Variants in GRIN2A observed in about 807,000 individuals in gnomAD.
GRIN2A encodes glutamate ionotropic receptor NMDA type subunit 2A.
Under a neutral mutation model 113.4 loss-of-function variants are expected in GRIN2A, and 22 were observed. That is an observed-to-expected ratio of 0.19 (90% CI 0.14 to 0.28). The LOEUF (loss-of-function observed/expected upper bound fraction) is 0.28. Among genes scored for constraint, GRIN2A ranks in the 10% least tolerant of loss-of-function variants. GRIN2A has a pLI of 1.00. For synonymous variants in GRIN2A, 827 were observed against 738.4 expected, an observed-to-expected ratio of 1.12 and a Z score of -1.94; for missense variants, 1,502 against 1,887.0, an observed-to-expected ratio of 0.80 and a Z score of 3.78.
chr16:10,156,797 C>T (rs1412099988), intron 2 of GRIN2A, among the ~76,000 whole-genome samples: 2 of 152,292 alleles, frequency 1.3e-5, no homozygotes, highest in Admixed American at 1.3e-4. Context: ...TTTTCATACA[C>T]CTTATTTCAT....
intron 11 of GRIN2A, among the ~76,000 whole-genome samples, chr16:9,792,001 A>T (rs1902633600): frequency 1.3e-5 from 2 of 152,088 alleles, no homozygotes; most frequent in African/African-American, 4.8e-5. Context: ...ATCTGTTAAC[A>T]ATCTAGATGA....
At chr16:10,019,134 CCCATT>C (rs2046667959) in intron 2 of GRIN2A, among the ~76,000 whole-genome samples, 1 of 149,704 alleles carries the variant, frequency 6.7e-6, no homozygotes, top group South Asian at 2.1e-4. Flanking sequence ...CCTCAGTTGC[CCCATT>C]AATAAAAAGA....
intron 2 of GRIN2A, among the ~76,000 whole-genome samples, chr16:9,989,682 T>C (rs1328137880): frequency 6.6e-6 from 1 of 151,438 alleles, no homozygotes; most frequent in Non-Finnish European, 1.5e-5. Flanking sequence ...GGAACTTAAA[T>C]CAAGAAAAAA....
intron 11 of GRIN2A, among the ~76,000 whole-genome samples, chr16:9,797,606 C>T (rs934168203): frequency 7.9e-5 from 12 of 152,162 alleles, no homozygotes; most frequent in South Asian, 2.1e-4. Flanking sequence ...ATGACTCCAC[C>T]GTGAGTCATG....
intron 2 of GRIN2A, among the ~76,000 whole-genome samples, chr16:10,169,494 A>C (rs2049995475): frequency 6.6e-6 from 1 of 152,172 alleles, no homozygotes; most frequent in Non-Finnish European, 1.5e-5. Context: ...ACTCCAATGA[A>C]AGGATAGAGG....
At chr16:9,963,911 G>A (rs1218318288) in intron 2 of GRIN2A, among the ~76,000 whole-genome samples, 1 of 152,202 alleles carries the variant, frequency 6.6e-6, no homozygotes, top group African/African-American at 2.4e-5. Flanking sequence ...CCTGGTGGAG[G>A]AGAGGAAGTG....
At chr16:9,859,497 T>A (rs1441399392) in intron 4 of GRIN2A, among the ~76,000 whole-genome samples, 1 of 151,868 alleles carries the variant, frequency 6.6e-6, no homozygotes, top group African/African-American at 2.4e-5. Flanking sequence ...CACACTTATA[T>A]ACAGGTACAT....
In GRIN2A at chr16:9,753,849, G is replaced by A. The variant is rs369111963; in HGVS notation, c.*9300C>T. On this transcript the variant is annotated 3_prime_UTR_variant, in exon 13 of 13. Coordinates refer to ENST00000330684, the MANE Select transcript of GRIN2A (RefSeq NM_001134407.3). ...CAAGACATCAAGTCAGTTCTGATGT[G>A]GGTTTTGGATTCTGTTTGAATGTAG... 3.3e-5 allele frequency: 6 copies of A among 179,286 alleles called. No homozygotes were observed. Among genetic ancestry groups the A allele is most frequent in the Admixed American group, 6.3e-5 (1 of 15,886 alleles). 11.1% of individuals were successfully genotyped at this position (179,286 alleles called of 1,614,324 possible). A position where few individuals can be genotyped will look rare whatever the true frequency, so the allele number is the denominator to read the frequency against.
At chr16:10,058,747 T>C (rs549832427) in intron 2 of GRIN2A, among the ~76,000 whole-genome samples, 46 of 152,360 alleles carry the variant, frequency 3.0e-4, no homozygotes, top group African/African-American at 1.1e-3. Flanking sequence ...GTCCATTCAT[T>C]TACTCGCTCA....
At chr16:9,991,398 A>G (rs1280785949) in intron 2 of GRIN2A, among the ~76,000 whole-genome samples, 1 of 152,210 alleles carries the variant, frequency 6.6e-6, no homozygotes, top group African/African-American at 2.4e-5. Context: ...TCAAGTTGCA[A>G]TCATGGTTCT....
intron 2 of GRIN2A, among the ~76,000 whole-genome samples, chr16:10,172,883 C>G (rs1596578497): frequency 6.6e-6 from 1 of 152,242 alleles, no homozygotes; most frequent in South Asian, 2.1e-4. Flanking sequence ...TACCAACTCT[C>G]TATTACAAAC....
chr16:10,123,238 C>T (rs1395017535), intron 2 of GRIN2A, among the ~76,000 whole-genome samples: 1 of 152,174 alleles, frequency 6.6e-6, no homozygotes, highest in Non-Finnish European at 1.5e-5. Flanking sequence ...GCCAAAACTT[C>T]CCTTGCAATA....
rs1900462569 is a variant in GRIN2A, at chr16:9,758,839, TG to T, written c.*4309del. 2 of 215,784 alleles carry T rather than the reference TG, an allele frequency of 9.3e-6. No individual in the cohort carries two copies. Among genetic ancestry groups the T allele is most frequent in the Admixed American group, 5.8e-5 (1 of 17,126 alleles). 13.4% of individuals were successfully genotyped at this position (215,784 alleles called of 1,614,324 possible). On this transcript the variant is annotated 3_prime_UTR_variant, in exon 13 of 13. Coordinates refer to ENST00000330684, the MANE Select transcript of GRIN2A (RefSeq NM_001134407.3). ...TTCAACCCTGTTCACCAAAAAGAGA[TG>T]GGGTATCTGGAAAGGTCTAATTTTG... is the stretch of plus-strand genomic sequence containing the variant.
At chr16:9,953,212 G>C (rs551840286) in intron 2 of GRIN2A, among the ~76,000 whole-genome samples, 1 of 152,180 alleles carries the variant, frequency 6.6e-6, no homozygotes, top group Non-Finnish European at 1.5e-5. Context: ...CATTCAACTG[G>C]TCTTGGCAAC....
intron 2 of GRIN2A, among the ~76,000 whole-genome samples, chr16:9,997,463 T>G (rs2046246234): frequency 6.6e-6 from 1 of 152,210 alleles, no homozygotes; most frequent in Non-Finnish European, 1.5e-5. Flanking sequence ...TTCTTTCAAT[T>G]TGATTCATTT....
At chr16:9,868,005 A>T (rs2043190933) in intron 4 of GRIN2A, among the ~76,000 whole-genome samples, 1 of 152,168 alleles carries the variant, frequency 6.6e-6, no homozygotes, top group African/African-American at 2.4e-5. Context: ...CCCATCTGCC[A>T]TATAGGAGTT....
At chr16:9,788,227 T>C (rs142061097) in intron 11 of GRIN2A, among the ~76,000 whole-genome samples, 54 of 152,092 alleles carry the variant, frequency 3.6e-4, no homozygotes, top group Non-Finnish European at 6.5e-4. Context: ...TCTCTTCCTT[T>C]CTCTTCTCTC....
intron 2 of GRIN2A, among the ~76,000 whole-genome samples, chr16:9,949,189 T>C (rs2045103964): frequency 1.3e-5 from 2 of 152,214 alleles, no homozygotes; most frequent in South Asian, 2.1e-4. Flanking sequence ...AATAGCTGTC[T>C]CCATGCAACC....
chr16:10,142,943 C>A (rs983729336), intron 2 of GRIN2A, among the ~76,000 whole-genome samples: 2 of 152,188 alleles, frequency 1.3e-5, no homozygotes, highest in Admixed American at 6.5e-5. Flanking sequence ...ATAAAAATAA[C>A]ATGTAATTTG....
Sources: allele counts gnomAD v4.1 joint callset (sites outside exome capture counted in the v4.1 genomes callset), GRCh38; gene constraint gnomAD v4.1.1; transcripts MANE v1.5; gene names NCBI Gene and HGNC (gene_info 2026-07-23, HGNC 2026-07-21).